SERPINI1: variants seen among roughly 807,000 people sequenced by gnomAD.
SERPINI1 encodes the protein serpin family I member 1, also known as neuroserpin.
Under a neutral mutation model 41.1 loss-of-function variants are expected in SERPINI1, and 19 were observed. The ratio of observed to expected loss-of-function variants is 0.46; its 90% CI spans 0.32 to 0.68. The LOEUF (loss-of-function observed/expected upper bound fraction) is 0.68, where lower values mean the gene tolerates loss of function less well. SERPINI1 is among the 30% of genes least tolerant of loss of function. SERPINI1 has a pLI of 0.03. For synonymous variants in SERPINI1, 138 were observed against 156.6 expected (o/e 0.88, Z 0.89); for missense variants, 460 against 479.2 (o/e 0.96, Z 0.37).
intron 1 of SERPINI1, among the ~76,000 whole-genome samples, chr3:167,766,544 A>G (rs957363729): frequency 6.6e-6 from 1 of 152,238 alleles, no homozygotes; most frequent in Non-Finnish European, 1.5e-5. Context: ...AAACCATATC[A>G]GTGAGGAAGG....
intron 1 of SERPINI1, among the ~76,000 whole-genome samples, chr3:167,752,692 T>C (rs1458874167): frequency 1.3e-5 from 2 of 151,986 alleles, no homozygotes; most frequent in African/African-American, 4.8e-5. Context: ...GCAACATCCT[T>C]GCTGCTTACA....
At chr3:167,820,318 A>C (rs1712270721) in intron 6 of SERPINI1, among the ~76,000 whole-genome samples, 1 of 152,194 alleles carries the variant, frequency 6.6e-6, no homozygotes, top group South Asian at 2.1e-4. Context: ...GCTGGGAAGA[A>C]GTGGAAGCCT....
chr3:167,809,857 T>G (rs1711803624), intron 6 of SERPINI1, among the ~76,000 whole-genome samples: 1 of 152,194 alleles, frequency 6.6e-6, no homozygotes, highest in South Asian at 2.1e-4. Context: ...CCCTTAAACA[T>G]AAGTAAAAAA....
chr3:167,801,561 C>T (rs1465402667), intron 5 of SERPINI1, among the ~76,000 whole-genome samples: 1 of 151,944 alleles, frequency 6.6e-6, no homozygotes, highest in African/African-American at 2.4e-5. Context: ...TTGCTTGTTG[C>T]TTAGCTCTTT....
At chr3:167,782,931 A>G (rs1402611570) in intron 1 of SERPINI1, among the ~76,000 whole-genome samples, 1 of 152,206 alleles carries the variant, frequency 6.6e-6, no homozygotes, top group Non-Finnish European at 1.5e-5. Context: ...TACAGGATCC[A>G]TGAAGGAGAG....
intron 5 of SERPINI1, among the ~76,000 whole-genome samples, chr3:167,802,024 G>T (rs942987009): frequency 4.6e-5 from 7 of 152,056 alleles, no homozygotes; most frequent in Non-Finnish European, 7.4e-5. Context: ...AAGCAATGGG[G>T]AAAGGATTCC....
At chr3:167,821,850 A>T (rs1317666207) in intron 6 of SERPINI1, among the ~76,000 whole-genome samples, 1 of 152,354 alleles carries the variant, frequency 6.6e-6, no homozygotes, top group Middle Eastern at 3.4e-3. Context: ...GCTCATCATT[A>T]TGGAGGCTTT....
intron 1 of SERPINI1, among the ~76,000 whole-genome samples, chr3:167,765,859 G>A (rs1726550435): frequency 6.6e-6 from 1 of 152,100 alleles, no homozygotes; most frequent in Admixed American, 6.6e-5. Context: ...AGATCTCTAG[G>A]GCAGGGGCAA....
intron 1 of SERPINI1, among the ~76,000 whole-genome samples, chr3:167,759,075 G>A (rs550386136): frequency 1.1e-3 from 173 of 152,212 alleles, no homozygotes; most frequent in African/African-American, 3.8e-3. Context: ...TCATTATAGA[G>A]CCAGGTGTTC....
rs185560617 is a variant in SERPINI1, at chr3:167,814,508, G to A, written c.979+7167G>A. On this transcript the variant is annotated intron_variant, in intron 6 of 8. Coordinates refer to ENST00000446050, the MANE Select transcript of SERPINI1 (RefSeq NM_001122752.2). The stretch of plus-strand genomic sequence containing the variant: ...GCTAGGGTTCTGTTATAATACTCTC[G>A]TCATTTTGTTATTTTAAGCATGCCG... Among the ~76,000 whole-genome samples the A allele has an allele frequency of 8.5e-5, 13 of 152,218 alleles. No individual in the cohort carries two copies. In the East Asian group the frequency reaches 2.1e-3, roughly 25 times the overall value.
At chr3:167,753,197 G>A (rs1041977438) in intron 1 of SERPINI1, among the ~76,000 whole-genome samples, 3 of 152,012 alleles carry the variant, frequency 2.0e-5, no homozygotes, top group Non-Finnish European at 2.9e-5. Context: ...GGGGCTTTTG[G>A]AAATGTGGTA....
At chr3:167,784,248 C>A (rs1727233355) in intron 1 of SERPINI1, among the ~76,000 whole-genome samples, 1 of 152,080 alleles carries the variant, frequency 6.6e-6, no homozygotes, top group Non-Finnish European at 1.5e-5. Flanking sequence ...CATGTATTTT[C>A]CTGCAGGGAT....
At chr3:167,783,486 A>G (rs1197990396) in intron 1 of SERPINI1, among the ~76,000 whole-genome samples, 1 of 152,236 alleles carries the variant, frequency 6.6e-6, no homozygotes, top group African/African-American at 2.4e-5. Flanking sequence ...AGCCAGAGCT[A>G]TAATTTTACT....
intron 1 of SERPINI1, among the ~76,000 whole-genome samples, chr3:167,771,195 C>A (rs188787428): frequency 2.6e-5 from 4 of 152,120 alleles, no homozygotes; most frequent in African/African-American, 9.7e-5. Context: ...GAGATAATTG[C>A]CCACCTGTGA....
intron 1 of SERPINI1, among the ~76,000 whole-genome samples, chr3:167,787,300 A>G (rs968675143): frequency 5.3e-5 from 8 of 152,254 alleles, no homozygotes; most frequent in South Asian, 4.1e-4. Context: ...GATAAGAAGT[A>G]TGGTATAGTA....
rs769602150 is a variant in SERPINI1, at chr3:167,790,453, C to T, written c.332C>T (p.Ser111Phe). 25 of 1,613,834 alleles carry T rather than the reference C, an allele frequency of 1.5e-5. No homozygotes were observed. The South Asian group carries it at 2.0e-4, about 13-fold the overall frequency. ...ESQYVMKIAN[S>F]LFVQNGFHVN... is the part of the protein sequence containing the mutation. ...CAATATGTGATGAAAATTGCCAATT[C>T]CTTGTTTGTGCAAAATGGATTTCAT... The change falls in exon 3 of 9, where the codon TCC becomes TTC. Residue 111 changes from serine to phenylalanine, a missense_variant. Transcript: ENST00000446050.
intron 1 of SERPINI1, among the ~76,000 whole-genome samples, chr3:167,752,500 A>G (rs1252779654): frequency 6.6e-6 from 1 of 152,048 alleles, no homozygotes; most frequent in East Asian, 1.9e-4. Flanking sequence ...TTTATTTTTT[A>G]AATAAGTCTA....
intron 1 of SERPINI1, among the ~76,000 whole-genome samples, chr3:167,776,371 G>A (rs773829564): frequency 8.5e-5 from 13 of 152,164 alleles, no homozygotes; most frequent in Non-Finnish European, 1.8e-4. Context: ...TTATTTCCAG[G>A]AGGGCTGGGG....
intron 1 of SERPINI1, among the ~76,000 whole-genome samples, chr3:167,740,929 A>G (rs762059074): frequency 2.0e-5 from 3 of 152,234 alleles, no homozygotes; most frequent in Non-Finnish European, 1.5e-5. Flanking sequence ...TGAATGTAAT[A>G]TGAGGCCTTA....
Sources: allele counts gnomAD v4.1 joint callset (sites outside exome capture counted in the v4.1 genomes callset), GRCh38; gene constraint gnomAD v4.1.1; transcripts MANE v1.5; gene names NCBI Gene and HGNC (gene_info 2026-07-23, HGNC 2026-07-21).